KIF13A: variants seen among roughly 807,000 people sequenced by gnomAD.
KIF13A encodes the protein kinesin-like protein KIF13A.
Under a neutral mutation model 212.2 loss-of-function variants are expected in KIF13A, and 79 were observed. That is an observed-to-expected ratio of 0.37 (90% CI 0.31 to 0.45). The LOEUF is 0.45. Among genes scored for constraint, KIF13A ranks in the 20% least tolerant of loss-of-function variants. The probability of loss-of-function intolerance (pLI) is 1.00; values close to 1 mark genes in which losing one functional copy is unlikely to be tolerated. For missense variants in KIF13A, 1,901 were observed against 2,209.0 expected, an observed-to-expected ratio of 0.86 and a Z score of 2.79; for synonymous variants, 789 against 808.6, an observed-to-expected ratio of 0.98 and a Z score of 0.41.
chr6:17,977,466 T>C (rs1045090534), intron 2 of KIF13A, among the ~76,000 whole-genome samples: 2 of 152,194 alleles, frequency 1.3e-5, no homozygotes, highest in Non-Finnish European at 2.9e-5. Context: ...ATTTGTAATC[T>C]CTAAGAGAAA....
At position 17,786,321 on chromosome 6, in the gene KIF13A, G is replaced by A. The variant is rs576601963; in HGVS notation, c.3362-680C>T. On this transcript the variant is annotated intron_variant, in intron 27 of 38. Coordinates refer to ENST00000259711, the MANE Select transcript of KIF13A (RefSeq NM_022113.6). The surrounding 1 kb of genome is among the most constrained non-coding windows in gnomAD (Gnocchi z 5.4). ...ACAGGATTAAAAAACACCATAGGCC[G>A]GGCACGGTGGCTCACGGCTGTAACC... is the stretch of plus-strand genomic sequence containing the variant. Among the ~76,000 whole-genome samples the A allele has an allele frequency of 3.3e-5, 5 of 152,124 alleles. No individual in the cohort carries two copies. The highest frequency in any genetic ancestry group is 6.5e-5 in the Admixed American group (1 of 15,272).
In KIF13A at chr6:17,769,950, G is replaced by A. The variant is rs1032384383; in HGVS notation, c.4581+1164C>T. 2.0e-5 allele frequency among the ~76,000 whole-genome samples: 3 copies of A among 152,162 alleles called. No individual in the cohort carries two copies. The highest frequency in any genetic ancestry group is 4.4e-5 in the Non-Finnish European group (3 of 68,040). On this transcript the variant is annotated intron_variant, in intron 38 of 38. Transcript: ENST00000259711. This position sits in a 1 kb window ranked among gnomAD's most constrained non-coding sequence, Gnocchi z 5.8. ...GGACAAGGAGAAACCAAAGGCAGAG[G>A]AGGGGAAGAGGGATGAAGAAATAGA...
chr6:17,825,726 A>G lies in KIF13A; in HGVS notation c.1786+42T>C. 6.3e-7 allele frequency: 1 copy of G among 1,577,030 alleles called. No individual in the cohort carries two copies. Among genetic ancestry groups the G allele is most frequent in the Non-Finnish European group, 8.6e-7 (1 of 1,156,922 alleles). On this transcript the variant is annotated intron_variant, in intron 16 of 38. Transcript: ENST00000259711. This position sits in a 1 kb window ranked among gnomAD's most constrained non-coding sequence, Gnocchi z 4.5. The stretch of plus-strand genomic sequence containing the variant: ...ATCCCTCACTGAATGGTGTGAGGTG[A>G]GGAAATGCCCAAGGCGCTGGAACAC...
Position 17,934,787 on chromosome 6 carries a change from C to CA in KIF13A, c.147-36608dup, listed in dbSNP as rs11301845. Among the ~76,000 whole-genome samples, 219 of 140,222 alleles carry CA rather than the reference C, an allele frequency of 1.6e-3. No homozygotes were observed. Among genetic ancestry groups the CA allele is most frequent in the African/African-American group, 3.8e-3 (141 of 37,082 alleles). 92.0% of individuals were successfully genotyped at this position (140,222 alleles called of 152,430 possible). ...GGGCAACCAAGCAATACCCTGTCTC[C>CA]AAAAAAAAAAAAAAGACACTTAAAA... On this transcript the variant is annotated intron_variant, in intron 2 of 38. Coordinates refer to ENST00000259711, the MANE Select transcript of KIF13A (RefSeq NM_022113.6). This position sits in a 1 kb window ranked among gnomAD's most constrained non-coding sequence, Gnocchi z 5.4.
intron 2 of KIF13A, among the ~76,000 whole-genome samples, chr6:17,979,392 C>G (rs1393953380): frequency 2.6e-5 from 4 of 152,074 alleles, no homozygotes; most frequent in Non-Finnish European, 5.9e-5. Flanking sequence ...TAGCATTCAT[C>G]GATGTTCTTA....
At chr6:17,973,314 G>A (rs1004842641) in intron 2 of KIF13A, among the ~76,000 whole-genome samples, 1 of 152,204 alleles carries the variant, frequency 6.6e-6, no homozygotes, top group African/African-American at 2.4e-5. Context: ...TTGTTATAAT[G>A]TTCTGCAGAC....
intron 4 of KIF13A, among the ~76,000 whole-genome samples, chr6:17,862,664 A>G (rs1768914009): frequency 6.6e-6 from 1 of 152,112 alleles, no homozygotes. Context: ...TTAGCCAGGT[A>G]TGAGCCGGGC....
At chr6:17,766,754 AG>A (rs1037108133) in intron 38 of KIF13A, among the ~76,000 whole-genome samples, 6 of 152,008 alleles carry the variant, frequency 3.9e-5, no homozygotes, top group Admixed American at 2.0e-4. Flanking sequence ...CGAGGTGGGG[AG>A]GGGGGATTTA....
intron 17 of KIF13A, among the ~76,000 whole-genome samples, chr6:17,813,322 A>G (rs1763602721): frequency 6.6e-6 from 1 of 152,144 alleles, no homozygotes; most frequent in African/African-American, 2.4e-5. Context: ...TCTACTAAAA[A>G]TACAAAAATT....
intron 25 of KIF13A, among the ~76,000 whole-genome samples, chr6:17,791,263 T>C (rs929865297): frequency 3.3e-5 from 5 of 152,152 alleles, no homozygotes; most frequent in African/African-American, 1.2e-4. Flanking sequence ...TTTTAAACTA[T>C]GGAGGTAGTT....
chr6:17,791,771 G>C (rs935472281), intron 25 of KIF13A, among the ~76,000 whole-genome samples: 1 of 151,142 alleles, frequency 6.6e-6, no homozygotes, highest in Non-Finnish European at 1.5e-5. Context: ...GTGGTGGTGC[G>C]GGCCTGTAAT....
Position 17,922,153 on chromosome 6 carries a change from C to T in KIF13A, c.147-23973G>A, listed in dbSNP as rs561470926. The stretch of plus-strand genomic sequence containing the variant: ...AGATCCTGCAGACACAGGGCTTTAA[C>T]TCCAGACCCAGGAGACTCAGGTCAA... On this transcript the variant is annotated intron_variant, in intron 2 of 38. Transcript: ENST00000259711. 5.3e-5 allele frequency among the ~76,000 whole-genome samples: 8 copies of T among 152,316 alleles called. No homozygotes were observed. The South Asian group carries it at 1.7e-3, about 32-fold the overall frequency.
At chr6:17,800,284 T>G (rs1421909130) in intron 20 of KIF13A, among the ~76,000 whole-genome samples, 171 bp from the exon 21 acceptor site, 1 of 152,018 alleles carries the variant, frequency 6.6e-6, no homozygotes, top group African/African-American at 2.4e-5. Context: ...TTCCACCACT[T>G]GCCCCTGTGA....
chr6:17,986,357 G>C (rs1781550188), intron 2 of KIF13A, among the ~76,000 whole-genome samples: 1 of 152,152 alleles, frequency 6.6e-6, no homozygotes, highest in African/African-American at 2.4e-5. Context: ...GAATTAATAA[G>C]GATCCAACAG....
intron 9 of KIF13A, among the ~76,000 whole-genome samples, chr6:17,847,703 C>T (rs1438337275): frequency 6.6e-6 from 1 of 152,198 alleles, no homozygotes; most frequent in Non-Finnish European, 1.5e-5. Context: ...TTATAAAAAA[C>T]AACAGCTATA....
rs980162412 is a variant in KIF13A, at chr6:17,971,416, GGTTT to G, written c.146+15634_146+15637del. Among the ~76,000 whole-genome samples the G allele has an allele frequency of 3.9e-5, 6 of 151,940 alleles. No individual in the cohort carries two copies. Among genetic ancestry groups the G allele is most frequent in the Admixed American group, 1.3e-4 (2 of 15,248 alleles). ...TAATAAAATATTAAAATTTAGTAGC[GGTTT>G]GTTTTTTTCCTTTTTTTTTGACACA... On this transcript the variant is annotated intron_variant, in intron 2 of 38. Coordinates refer to ENST00000259711, the MANE Select transcript of KIF13A (RefSeq NM_022113.6). The surrounding 1 kb of genome is among the most constrained non-coding windows in gnomAD (Gnocchi z 4.2).
chr6:17,804,444 C>T lies in KIF13A; in HGVS notation c.2371G>A (p.Gly791Arg). The change falls in exon 20 of 39, where the codon GGG (glycine) becomes AGG (arginine). Residue 791 changes from glycine (G) to arginine (R), a missense_variant. By Grantham distance (125) the Gly-to-Arg change is moderately radical. Transcript: ENST00000259711. ...YEAQENHNLI[G>R]VANVFLECLF... ...CATTCCAAGAATACATTCGCCACCCCGATGAGGTTGTGATTTTCTTGGGCT... is the reference window on the plus strand; with the variant it reads ...CATTCCAAGAATACATTCGCCACCCTGATGAGGTTGTGATTTTCTTGGGCT... 2.5e-6 allele frequency: 4 copies of T among 1,582,462 alleles called. No individual in the cohort carries two copies. Among genetic ancestry groups the T allele is most frequent in the Non-Finnish European group, 2.6e-6 (3 of 1,163,384 alleles).
In KIF13A at chr6:17,872,998, G is replaced by T. The variant is rs989676255; in HGVS notation, c.220+379C>A. On this transcript the variant is annotated intron_variant, in intron 4 of 38. Coordinates refer to ENST00000259711, the MANE Select transcript of KIF13A (RefSeq NM_022113.6). This position sits in a 1 kb window ranked among gnomAD's most constrained non-coding sequence, Gnocchi z 4.7. ...AAAGGGGGCATAATCAGAAGCAAAAGAACCAAAAACTTCCTCCACCAAACC... is the reference window on the plus strand; with the variant it reads ...AAAGGGGGCATAATCAGAAGCAAAATAACCAAAAACTTCCTCCACCAAACC... Among the ~76,000 whole-genome samples the T allele has an allele frequency of 1.5e-4, 23 of 152,106 alleles. No individual in the cohort carries two copies. Among genetic ancestry groups the T allele is most frequent in the Non-Finnish European group, 2.8e-4 (19 of 68,010 alleles).
chr6:17,778,027 A>C (rs1760158695), intron 33 of KIF13A, among the ~76,000 whole-genome samples: 1 of 152,186 alleles, frequency 6.6e-6, no homozygotes, highest in East Asian at 1.9e-4. Context: ...GGTTCCAGCT[A>C]TCTGGGAGGC....
Sources: gnomAD v4.1 joint callset for allele counts (sites outside exome capture counted in the v4.1 genomes callset) on GRCh38, gnomAD v4.1.1 for gene constraint, Gnocchi (gnomAD v3.1) non-coding constraint, MANE v1.5 for transcripts, NCBI Gene and HGNC (gene_info 2026-07-23, HGNC 2026-07-21) for gene names.